Variants in TEX36 observed in about 807,000 individuals in gnomAD.
TEX36 encodes testis-expressed protein 36.
A neutral mutation model predicts 13.6 loss-of-function variants in TEX36; 12 were observed. The observed-to-expected ratio is 0.88, with a 90% CI of 0.56 to 1.43. The LOEUF is 1.43. Among genes scored for constraint, TEX36 ranks in the 40% most tolerant of loss-of-function variants. TEX36 has a pLI of 0.00. For synonymous variants in TEX36, 93 were observed against 83.0 expected, an observed-to-expected ratio of 1.12 and a Z score of -0.65; for missense variants, 224 against 228.3, an observed-to-expected ratio of 0.98 and a Z score of 0.12.
intron 1 of TEX36, among the ~76,000 whole-genome samples, chr10:125,664,832 A>G (rs1221450892): frequency 6.6e-6 from 1 of 152,234 alleles, no homozygotes; most frequent in Non-Finnish European, 1.5e-5. Context: ...CATTTCCACC[A>G]GCAGTGTACA....
At chr10:125,635,579 G>A (rs906829248) in intron 3 of TEX36, among the ~76,000 whole-genome samples, 38 of 152,202 alleles carry the variant, frequency 2.5e-4, no homozygotes, top group African/African-American at 8.9e-4. Flanking sequence ...CTCGTGCTGG[G>A]GTGCGAAGGT....
At chr10:125,621,474 G>C (rs533948178), downstream of TEX36, 5 of 384,458 alleles carry the variant, frequency 1.3e-5, no homozygotes, top group Non-Finnish European at 2.6e-5. Context: ...TGCTGGTGTG[G>C]TGTGTATCTT....
intron 3 of TEX36, among the ~76,000 whole-genome samples, chr10:125,608,624 GC>G (rs1257741432): frequency 6.6e-6 from 1 of 152,018 alleles, no homozygotes; most frequent in Non-Finnish European, 1.5e-5. Context: ...AAACTAGACT[GC>G]CCCCTGGAGC....
chr10:125,613,968 C>T (rs546619954), intron 3 of TEX36, among the ~76,000 whole-genome samples: 6 of 152,304 alleles, frequency 3.9e-5, no homozygotes, highest in South Asian at 4.1e-4. Flanking sequence ...TTAATGATTG[C>T]CATTCTAACT....
downstream of TEX36, among the ~76,000 whole-genome samples, chr10:125,619,650 A>G (rs1218755164): frequency 3.3e-5 from 5 of 151,866 alleles, no homozygotes; most frequent in Non-Finnish European, 2.9e-5. Context: ...TCCCGGGTCC[A>G]GGTTCAAGCA....
At chr10:125,642,134 G>C (rs545382050) in intron 3 of TEX36, among the ~76,000 whole-genome samples, 2 of 152,194 alleles carry the variant, frequency 1.3e-5, no homozygotes, top group Admixed American at 6.5e-5. Context: ...AGAGAAAGGA[G>C]AGAAGAGGCA....
At chr10:125,600,420 C>A (rs549067494) in intron 3 of TEX36, among the ~76,000 whole-genome samples, 4 of 152,156 alleles carry the variant, frequency 2.6e-5, no homozygotes, top group East Asian at 1.9e-4. Flanking sequence ...GGTCTCCAAC[C>A]TTTACCACCA....
chr10:125,656,245 A>AGTT (rs1846940164), intron 3 of TEX36, 49 bp from the exon 4 acceptor site: 1 of 486,446 alleles, frequency 2.1e-6, no homozygotes, highest in Non-Finnish European at 3.3e-6. Context: ...AAGTTCACAT[A>AGTT]GTTCTTTTTT....
chr10:125,590,886 A>G lies in TEX36; in HGVS notation c.265-14012T>C, dbSNP rs1846013772. ...ACATATTATGCAAGCAGGAGTTACA[A>G]AAGGGCTCCAAAAGTTGTTCTGTTG... On this transcript the variant is annotated intron_variant, in intron 3 of 3. Coordinates refer to the TEX36 transcript ENST00000532135. Among the ~76,000 whole-genome samples, 3 of 152,202 alleles carry G rather than the reference A, an allele frequency of 2.0e-5. 1 individual carries two copies. In the South Asian group the frequency reaches 6.2e-4, roughly 32 times the overall value.
chr10:125,630,176 A>T (rs925407034), intron 3 of TEX36, among the ~76,000 whole-genome samples: 4 of 152,184 alleles, frequency 2.6e-5, no homozygotes, highest in Non-Finnish European at 5.9e-5. Flanking sequence ...AAATTATTTT[A>T]TTGGCATTTT....
intron 3 of TEX36, among the ~76,000 whole-genome samples, chr10:125,590,934 G>A (rs1045559978): frequency 1.3e-5 from 2 of 152,172 alleles, no homozygotes; most frequent in East Asian, 1.9e-4. Context: ...GTTCCTCTTC[G>A]GTTATGTTCA....
intron 3 of TEX36, chr10:125,640,136 C>A: frequency 4.1e-6 from 4 of 985,232 alleles, no homozygotes; most frequent in Non-Finnish European, 4.8e-6. Flanking sequence ...GGATTGTCCC[C>A]TGCAGATGTT....
intron 3 of TEX36, among the ~76,000 whole-genome samples, chr10:125,604,801 ACT>A (rs1244209317): frequency 6.6e-6 from 1 of 151,408 alleles, no homozygotes; most frequent in East Asian, 1.9e-4. Context: ...ACAGAGCGAG[ACT>A]CTCTCTCAAA....
chr10:125,590,012 A>G (rs1846002120), intron 3 of TEX36, among the ~76,000 whole-genome samples: 1 of 152,192 alleles, frequency 6.6e-6, no homozygotes. Context: ...TTTCACAACT[A>G]CAATCATGTG....
intron 3 of TEX36, among the ~76,000 whole-genome samples, chr10:125,605,586 GTTTATTTATTTA>G (rs56727269): frequency 0.047 from 7,164 of 151,360 alleles, 241 homozygotes; most frequent in Non-Finnish European, 0.074. Flanking sequence ...GGTCCAAGAT[GTTTATTTATTTA>G]TTTATTTATT....
chr10:125,602,546 T>G (rs1846162721), intron 3 of TEX36, among the ~76,000 whole-genome samples: 1 of 152,184 alleles, frequency 6.6e-6, no homozygotes, highest in Non-Finnish European at 1.5e-5. Context: ...CTCCTCCTCA[T>G]GCTCCCCGGC....
intron 1 of TEX36, among the ~76,000 whole-genome samples, chr10:125,671,957 C>T (rs963519553): frequency 6.6e-6 from 1 of 152,126 alleles, no homozygotes; most frequent in Admixed American, 6.6e-5. Context: ...GGTTATATTT[C>T]TGTGGGGTCA....
intron 3 of TEX36, among the ~76,000 whole-genome samples, chr10:125,625,026 A>G (rs1846469563): frequency 6.6e-6 from 1 of 152,208 alleles, no homozygotes; most frequent in Admixed American, 6.5e-5. Flanking sequence ...ATGCCAGACA[A>G]TTGAGATGGC....
chr10:125,682,790 C>T (rs781736159), intron 1 of TEX36, 149 bp downstream of exon 1: 150 of 862,636 alleles, frequency 1.7e-4, no homozygotes, highest in Non-Finnish European at 2.6e-4. Flanking sequence ...ATTCCCATGT[C>T]ACAGATGAAG....
Sources: gnomAD v4.1 joint callset for allele counts (sites outside exome capture counted in the v4.1 genomes callset) on GRCh38, gnomAD v4.1.1 for gene constraint, MANE v1.5 for transcripts, NCBI Gene and HGNC (gene_info 2026-07-23, HGNC 2026-07-21) for gene names.